The following SPG11 variants were observed in gnomAD, a reference collection of about 807,000 sequenced individuals.
The protein encoded by SPG11 is spatacsin.
SPG11 carries 222 observed loss-of-function variants against 274.0 expected under a neutral mutation model. That is an observed-to-expected ratio of 0.81 (90% CI 0.73 to 0.91). SPG11 has a LOEUF of 0.91. Ranked by LOEUF, SPG11 falls within the 40% of genes least tolerant of loss-of-function variation. SPG11 has a pLI of 0.00. For missense variants in SPG11, 3,114 were observed against 2,872.7 expected, an observed-to-expected ratio of 1.08 and a Z score of -1.92; for synonymous variants, 1,144 against 1,039.7, an observed-to-expected ratio of 1.10 and a Z score of -1.93.
chr15:44,661,082 C>A (rs1294372763), intron 1 of SPG11, among the ~76,000 whole-genome samples: 2 of 152,096 alleles, frequency 1.3e-5, no homozygotes, highest in East Asian at 3.8e-4. Flanking sequence ...AAAAACTCTG[C>A]CTAATAGAAC....
At chr15:44,606,673 C>T (rs1266212648) in intron 19 of SPG11, among the ~76,000 whole-genome samples, 2 of 151,672 alleles carry the variant, frequency 1.3e-5, no homozygotes, top group Non-Finnish European at 2.9e-5. Context: ...ATAAACGGAT[C>T]GTGGGAAAAA....
At chr15:44,579,654 A>G (rs1479734750) in intron 30 of SPG11, among the ~76,000 whole-genome samples, 1 of 152,228 alleles carries the variant, frequency 6.6e-6, no homozygotes, top group East Asian at 1.9e-4. Context: ...TAAAGCAGCT[A>G]TAATACAAAT....
chr15:44,597,104 T>A, intron 23 of SPG11, 161 bp from the exon 24 acceptor site: 2 of 639,928 alleles, frequency 3.1e-6, no homozygotes, highest in Non-Finnish European at 2.6e-6. Flanking sequence ...TTGAAAAAAG[T>A]AGATTCTTTT....
At position 44,598,299 on chromosome 15, in the gene SPG11, T is replaced by G. The variant is rs759072562; in HGVS notation, c.3967A>C (p.Thr1323Pro). Residue 1323 changes from threonine (T) to proline (P), a missense_variant, in exon 23 of 40, where the codon ACA becomes CCA. Thr to Pro is a conservative substitution (Grantham distance 38, BLOSUM62 -1). Transcript: ENST00000261866. ...TCCTGTTGCTGAATGCTGTTCCATG[T>G]ACCTTCTTCTAAGAGAACAAGCAAT... The part of the protein sequence containing the change: ...EELLVLLEEG[T>P]WNSIQQQEIK... 5 of 1,614,048 alleles carry G rather than the reference T, an allele frequency of 3.1e-6. No individual in the cohort carries two copies. The highest frequency in any genetic ancestry group is 4.2e-6 in the Non-Finnish European group (5 of 1,179,894).
intron 17 of SPG11, 31 bp from the exon 18 acceptor site, chr15:44,611,016 TAA>T (rs1567161651): frequency 1.9e-6 from 3 of 1,586,350 alleles, no homozygotes; most frequent in Non-Finnish European, 2.6e-6. Context: ...TTTTTCTCCT[TAA>T]GAGGGATAAA....
intron 20 of SPG11, among the ~76,000 whole-genome samples, chr15:44,605,552 G>C (rs1397924940): frequency 6.6e-6 from 1 of 152,172 alleles, no homozygotes; most frequent in Non-Finnish European, 1.5e-5. Flanking sequence ...ACATCACGAT[G>C]TGTGTGAATC....
chr15:44,659,012 A>AACTAT (rs2085022770), intron 3 of SPG11, 67 bp downstream of exon 3: 2 of 1,498,534 alleles, frequency 1.3e-6, no homozygotes, highest in South Asian at 2.3e-5. Context: ...TAAAGCCTAA[A>AACTAT]AAGGCTCATC....
intron 18 of SPG11, among the ~76,000 whole-genome samples, chr15:44,608,920 T>C (rs912980339): frequency 1.3e-5 from 2 of 152,158 alleles, no homozygotes; most frequent in African/African-American, 4.8e-5. Flanking sequence ...AATATTTAAT[T>C]CAATAATATA....
At chr15:44,589,197 C>T in intron 28 of SPG11, 55 bp downstream of exon 28, 1 of 1,587,860 alleles carries the variant, frequency 6.3e-7, no homozygotes, top group Non-Finnish European at 8.6e-7. Flanking sequence ...AAAGTATTTT[C>T]AAGATTAAGA....
At chr15:44,607,856 T>C (rs887421394) in intron 19 of SPG11, among the ~76,000 whole-genome samples, 8 of 152,188 alleles carry the variant, frequency 5.3e-5, no homozygotes, top group Non-Finnish European at 1.2e-4. Context: ...CCTGATTCAT[T>C]GAGAAGAGAT....
intron 23 of SPG11, 43 bp downstream of exon 23, chr15:44,598,222 A>C (rs190227684): frequency 6.7e-7 from 1 of 1,488,146 alleles, no homozygotes; most frequent in Admixed American, 1.7e-5. Context: ...AGGTTGGCAC[A>C]ATAAGCTTGT....
At position 44,620,284 on chromosome 15, in the gene SPG11, G is replaced by A. The variant is rs761896412; in HGVS notation, c.2740C>T (p.Gln914Ter). The A allele has an allele frequency of 1.9e-6, 3 of 1,613,836 alleles. No homozygotes were observed. In the South Asian group the frequency reaches 3.3e-5, roughly 18 times the overall value. Residue 914 changes from glutamine to a stop codon, truncating the protein, a stop_gained, in exon 15 of 40, where the codon CAG becomes TAG. Coordinates refer to ENST00000261866, the MANE Select transcript of SPG11 (RefSeq NM_025137.4). LOFTEE classifies it high-confidence loss of function. ...ACAGTCAGAAGGGGCCATTTGTTCT[G>A]CTGAAGTGAAGCATAACTATGCTGG... ...QTQHSYASLQQNKWPLLTVDV... is the reference protein window; with the variant it reads ...QTQHSYASLQ
intron 3 of SPG11, among the ~76,000 whole-genome samples, chr15:44,657,695 G>A (rs761297192): frequency 6.6e-6 from 1 of 152,156 alleles, no homozygotes; most frequent in Non-Finnish European, 1.5e-5. Context: ...TTCAAAGTCT[G>A]ATATTTTACT....
chr15:44,593,912 C>A lies in SPG11; in HGVS notation c.4635+1347G>T, dbSNP rs955744702. ...GGGTTTACAGGTGCATCCTGCCACG[C>A]CCGGCTTTTTTCTTTTCTTTTTTTT... On this transcript the variant is annotated intron_variant, in intron 26 of 39. Transcript: ENST00000261866. 3.3e-5 allele frequency among the ~76,000 whole-genome samples: 5 copies of A among 151,090 alleles called. No individual in the cohort carries two copies. In the East Asian group the frequency reaches 9.8e-4, roughly 30 times the overall value.
Position 44,651,942 on chromosome 15 carries a change from G to A in SPG11, c.1008-3C>T, listed in dbSNP as rs1206880255. 4 of 1,608,418 alleles carry A rather than the reference G, an allele frequency of 2.5e-6. No homozygotes were observed. The highest frequency in any genetic ancestry group is 8.5e-7 in the Non-Finnish European group (1 of 1,178,826). ...ATGATAGCTGGGCTTTCCAAGACCT[G>A]GAAACAAGGTAAAATATAACTTAAC... On this transcript the variant is annotated splice_region_variant and splice_polypyrimidine_tract_variant and intron_variant, in intron 5 of 39. Transcript: ENST00000261866.
At chr15:44,658,731 T>C (rs1174704113) in intron 3 of SPG11, among the ~76,000 whole-genome samples, 2 of 152,154 alleles carry the variant, frequency 1.3e-5, no homozygotes, top group East Asian at 1.9e-4. Context: ...AGTGCTGGGA[T>C]TACAGGCGTG....
rs771527743 is a variant in SPG11 at position 44,600,555 on chromosome 15, C to T, written c.3598G>A (p.Ala1200Thr). 2 of 1,613,992 alleles carry T rather than the reference C, an allele frequency of 1.2e-6. No homozygotes were observed. Among genetic ancestry groups the T allele is most frequent in the East Asian group, 2.2e-5 (1 of 44,886 alleles). The stretch of plus-strand genomic sequence containing the variant: ...GGCCGCCCATTATGTAAATAATAAG[C>T]AAAATTCAGACGTTCCACTATAGCA... Reference protein sequence around the residue: ...KYAIVERLNFAYYLHNGRPSF... With the variant: ...KYAIVERLNFTYYLHNGRPSF... Residue 1200 changes from alanine (A) to threonine (T), a missense_variant, in exon 21 of 40, where the codon GCT becomes ACT. Physicochemically the swap from Ala to Thr is moderately conservative, Grantham distance 58 (BLOSUM62 0). Coordinates refer to ENST00000261866, the MANE Select transcript of SPG11 (RefSeq NM_025137.4).
At chr15:44,573,381 A>G (rs2082464838) in intron 32 of SPG11, 166 bp downstream of exon 32, 1 of 724,014 alleles carries the variant, frequency 1.4e-6, no homozygotes, top group Non-Finnish European at 2.4e-6. Flanking sequence ...TATTTTGTAA[A>G]AAATAAAGCA....
At chr15:44,584,588 C>A in intron 29 of SPG11, 30 bp from the exon 30 acceptor site, 1 of 1,601,506 alleles carries the variant, frequency 6.2e-7, no homozygotes, top group Non-Finnish European at 8.5e-7. Context: ...AGATTTTAGC[C>A]TTTCTTGGAT....
Sources: gnomAD v4.1 joint callset for allele counts (sites outside exome capture counted in the v4.1 genomes callset) on GRCh38, gnomAD v4.1.1 for gene constraint, MANE v1.5 for transcripts, NCBI Gene and HGNC (gene_info 2026-07-23, HGNC 2026-07-21) for gene names.